TBC1D30: variants seen among roughly 807,000 people sequenced by gnomAD.
TBC1D30 encodes TBC1 domain family member 30.
A neutral mutation model predicts 63.2 loss-of-function variants in TBC1D30; 31 were observed. The ratio of observed to expected loss-of-function variants is 0.49; its 90% confidence interval spans 0.37 to 0.66. The LOEUF is 0.66. Ranked by LOEUF, TBC1D30 falls within the 30% of genes least tolerant of loss-of-function variation. The probability of loss-of-function intolerance (pLI) is 0.00; values close to 1 mark genes in which losing one functional copy is unlikely to be tolerated. For synonymous variants in TBC1D30, 307 were observed against 361.5 expected, an observed-to-expected ratio of 0.85 and a Z score of 1.71; for missense variants, 810 against 953.6, an observed-to-expected ratio of 0.85 and a Z score of 1.98.
intron 2 of TBC1D30, among the ~76,000 whole-genome samples, chr12:64,810,542 G>T (rs933517390): frequency 1.3e-5 from 2 of 152,164 alleles, no homozygotes; most frequent in Non-Finnish European, 2.9e-5. Context: ...CCGGGAGGCT[G>T]CAGTGAGCCA....
At chr12:64,831,379 A>G (rs1256957197) in intron 4 of TBC1D30, among the ~76,000 whole-genome samples, 2 of 152,250 alleles carry the variant, frequency 1.3e-5, no homozygotes, top group East Asian at 1.9e-4. Context: ...TTTCGCAGAG[A>G]TGAAGTATCT....
chr12:64,788,989 CA>C (rs1325645135), intron 2 of TBC1D30, among the ~76,000 whole-genome samples: 7 of 152,104 alleles, frequency 4.6e-5, no homozygotes, highest in African/African-American at 1.4e-4. Context: ...CCTCTTTCCT[CA>C]AAGTCAACTA....
chr12:64,845,546 G>A (rs1019223809), intron 8 of TBC1D30, among the ~76,000 whole-genome samples: 2 of 152,026 alleles, frequency 1.3e-5, no homozygotes, highest in African/African-American at 4.8e-5. Context: ...CTAACACGGT[G>A]AAACCCTGTC....
At chr12:64,780,683 G>C (rs1165873156) in exon 1 of TBC1D30, 1 of 916,062 alleles carries the variant, frequency 1.1e-6, no homozygotes, top group Admixed American at 6.2e-5. Flanking sequence ...CGGGGATCCA[G>C]AGCCCGCTGG....
At chr12:64,779,388 TAGTC>T (rs1871168152), upstream of TBC1D30, 1 of 152,138 alleles carries the variant, frequency 6.6e-6, no homozygotes, top group Non-Finnish European at 1.5e-5. Flanking sequence ...ATGGTAACAA[TAGTC>T]ATTAATATAG....
chr12:64,829,917 T>C (rs1285022463), intron 3 of TBC1D30, among the ~76,000 whole-genome samples: 1 of 152,144 alleles, frequency 6.6e-6, no homozygotes, highest in Admixed American at 6.5e-5. Context: ...TTTGTGTATG[T>C]GTGTGAGAGG....
At chr12:64,851,060 G>C (rs935242714) in intron 8 of TBC1D30, among the ~76,000 whole-genome samples, 2 of 151,996 alleles carry the variant, frequency 1.3e-5, no homozygotes, top group Non-Finnish European at 2.9e-5. Context: ...ATTTGCCTAG[G>C]GGTGTTTATA....
At chr12:64,778,527 A>G (rs1421091175), upstream of TBC1D30, among the ~76,000 whole-genome samples, 2 of 137,598 alleles carry the variant, frequency 1.5e-5, no homozygotes, top group Non-Finnish European at 3.1e-5. Flanking sequence ...TAGGGTGGTT[A>G]TGGAGTGATT....
At chr12:64,784,375 C>T (rs118117272) in intron 1 of TBC1D30, among the ~76,000 whole-genome samples, 5,240 of 152,040 alleles carry the variant, frequency 0.034, 146 homozygotes, top group Middle Eastern at 0.11. Flanking sequence ...TTTGAGAACC[C>T]TGCATTTGTT....
chr12:64,806,579 G>C (rs898445577), intron 2 of TBC1D30, among the ~76,000 whole-genome samples: 1 of 152,202 alleles, frequency 6.6e-6, no homozygotes, highest in African/African-American at 2.4e-5. Context: ...CGGTTGATGA[G>C]AATGTAAAAT....
chr12:64,772,301 T>A (rs887852898), intron 1 of TBC1D30, among the ~76,000 whole-genome samples: 9 of 151,292 alleles, frequency 5.9e-5, no homozygotes, highest in African/African-American at 2.2e-4. Context: ...CACATGCTTA[T>A]GCCCAGCAGA....
intron 9 of TBC1D30, among the ~76,000 whole-genome samples, chr12:64,865,326 T>C (rs532453227): frequency 6.7e-6 from 1 of 149,664 alleles, no homozygotes; most frequent in African/African-American, 2.5e-5. Flanking sequence ...CATAAGAAAA[T>C]GTGGAAGAAT....
chr12:64,879,133 A>C lies in TBC1D30; in HGVS notation c.*3345A>C, dbSNP rs780652043. ...TGGGAAAACAAAAAGAGCATAAAGA[A>C]TCATCAATACTCTGATATAGATATA... On this transcript the variant is annotated 3_prime_UTR_variant, in exon 12 of 12. Coordinates refer to ENST00000539867, the MANE Select transcript of TBC1D30 (RefSeq NM_015279.2). 6.5e-6 allele frequency: 1 copy of C among 152,684 alleles called. No homozygotes were observed. Among genetic ancestry groups the C allele is most frequent in the Non-Finnish European group, 1.5e-5 (1 of 68,388 alleles). The allele number at this position is 152,684 out of a possible 1,614,324, so 9.5% of individuals were successfully genotyped here. A position where few individuals can be genotyped will look rare whatever the true frequency, so the allele number is the denominator to read the frequency against.
chr12:64,782,019 T>C (rs1208781885), intron 1 of TBC1D30, among the ~76,000 whole-genome samples: 1 of 152,052 alleles, frequency 6.6e-6, no homozygotes, highest in Non-Finnish European at 1.5e-5. Context: ...AGAGGCTAAT[T>C]TGGTGTTTCT....
intron 4 of TBC1D30, among the ~76,000 whole-genome samples, chr12:64,831,333 C>G (rs571989914): frequency 6.6e-6 from 1 of 152,252 alleles, no homozygotes; most frequent in Non-Finnish European, 1.5e-5. Context: ...TTGCATTATT[C>G]ACATTTAAGC....
At chr12:64,813,218 C>T (rs1045996106) in intron 2 of TBC1D30, among the ~76,000 whole-genome samples, 41 of 152,100 alleles carry the variant, frequency 2.7e-4, no homozygotes, top group Non-Finnish European at 1.0e-4. Flanking sequence ...GGTGAAACCC[C>T]GTCTCTACTA....
intron 9 of TBC1D30, 101 bp downstream of exon 9, chr12:64,864,881 G>A (rs1878089814): frequency 1.2e-6 from 1 of 802,722 alleles, no homozygotes; most frequent in African/African-American, 1.7e-5. Flanking sequence ...ATATGTTAAA[G>A]TAAGTTGACA....
Position 64,838,709 on chromosome 12 carries a change from G to A in TBC1D30, c.790G>A (p.Val264Ile). 2 of 1,536,570 alleles carry A rather than the reference G, an allele frequency of 1.3e-6. No homozygotes were observed. Among genetic ancestry groups the A allele is most frequent in the East Asian group, 2.4e-5 (1 of 40,904 alleles). ...GGGYEPPLTN[V>I]FTMQWFLTLF... ...TGGATATGAGCCCCCACTTACAAAT[G>A]TCTTCACGATGCAGTGGTTTCTGAC... is the stretch of plus-strand genomic sequence containing the variant. Residue 264 changes from valine to isoleucine, a missense_variant, in exon 7 of 12, where the codon GTC (valine) becomes ATC (isoleucine). Physicochemically the swap from Val to Ile is conservative, Grantham distance 29. Coordinates refer to ENST00000539867, the MANE Select transcript of TBC1D30 (RefSeq NM_015279.2).
At chr12:64,811,040 T>C (rs1053910550) in intron 2 of TBC1D30, among the ~76,000 whole-genome samples, 1 of 152,214 alleles carries the variant, frequency 6.6e-6, no homozygotes, top group African/African-American at 2.4e-5. Context: ...TAAACATTTC[T>C]CTTTGAACAA....
Sources: gnomAD v4.1 joint callset for allele counts (sites outside exome capture counted in the v4.1 genomes callset) on GRCh38, gnomAD v4.1.1 for gene constraint, MANE v1.5 for transcripts, NCBI Gene and HGNC (gene_info 2026-07-23, HGNC 2026-07-21) for gene names.